DDX60: variants seen among roughly 807,000 people sequenced by gnomAD.
DDX60 encodes probable ATP-dependent RNA helicase DDX60.
In DDX60, 165 loss-of-function variants were observed where a neutral mutation model predicts 212.8. The ratio of observed to expected loss-of-function variants is 0.78; its 90% CI spans 0.68 to 0.88. The LOEUF (loss-of-function observed/expected upper bound fraction) is 0.88, where lower values mean the gene tolerates loss of function less well. Ranked by LOEUF, DDX60 falls within the 40% of genes least tolerant of loss-of-function variation. DDX60 has a pLI of 0.00. For synonymous variants in DDX60, 703 were observed against 685.3 expected (o/e 1.03, Z -0.40); for missense variants, 1,905 against 2,003.9 (o/e 0.95, Z 0.94).
chr4:168,220,628 A>G, intron 37 of DDX60, 27 bp downstream of exon 37: 1 of 1,215,726 alleles, frequency 8.2e-7, no homozygotes, highest in Non-Finnish European at 1.1e-6. Flanking sequence ...AAAAAATCTA[A>G]AATCAATATT....
chr4:168,250,179 T>C (rs955798371), intron 28 of DDX60, among the ~76,000 whole-genome samples: 3 of 152,182 alleles, frequency 2.0e-5, no homozygotes, highest in Non-Finnish European at 4.4e-5. Flanking sequence ...AGAGAGAACA[T>C]AGATATATTT....
At chr4:168,265,874 AGGGAAG>A (rs1734826248) in intron 22 of DDX60, among the ~76,000 whole-genome samples, 1 of 146,542 alleles carries the variant, frequency 6.8e-6, no homozygotes, top group East Asian at 2.1e-4. Context: ...AGGGAAGGGA[AGGGAAG>A]GGAAGGGAAG....
At chr4:168,276,471 A>T (rs1424308345) in intron 14 of DDX60, among the ~76,000 whole-genome samples, 6 of 152,214 alleles carry the variant, frequency 3.9e-5, no homozygotes, top group Admixed American at 3.9e-4. Flanking sequence ...AATAACAAAT[A>T]TTTTCTCCAT....
At position 168,237,683 on chromosome 4, in the gene DDX60, A is replaced by G. The variant is rs756253380; in HGVS notation, c.4269+8T>C. ...TATTTCCCAAAACAAAAGTGCAGTAATGCATACCTCTTTCACCAGGAACTG... is the reference window on the plus strand; with the variant it reads ...TATTTCCCAAAACAAAAGTGCAGTAGTGCATACCTCTTTCACCAGGAACTG... On this transcript the variant is annotated splice_region_variant and intron_variant, in intron 31 of 37. Coordinates refer to ENST00000393743, the MANE Select transcript of DDX60 (RefSeq NM_017631.6). The G allele has an allele frequency of 3.7e-6, 6 of 1,605,966 alleles. No individual in the cohort carries two copies. Among genetic ancestry groups the G allele is most frequent in the Non-Finnish European group, 4.3e-6 (5 of 1,174,610 alleles).
intron 4 of DDX60, among the ~76,000 whole-genome samples, 185 bp downstream of exon 4, chr4:168,307,819 CAT>C (rs1400901829): frequency 6.6e-6 from 1 of 152,160 alleles, no homozygotes; most frequent in Non-Finnish European, 1.5e-5. Context: ...TCAAATAAAA[CAT>C]AATCTCAAGT....
At chr4:168,218,948 T>C (rs778672010) in intron 37 of DDX60, among the ~76,000 whole-genome samples, 8 of 152,156 alleles carry the variant, frequency 5.3e-5, no homozygotes, top group African/African-American at 9.6e-5. Context: ...CTTCTTTCAC[T>C]ACACATGTAA....
At chr4:168,284,957 A>G (rs1460721502) in intron 11 of DDX60, 22 bp from the exon 12 acceptor site, 2 of 1,236,002 alleles carry the variant, frequency 1.6e-6, no homozygotes, top group South Asian at 2.8e-5. Flanking sequence ...AAAAAGGCAT[A>G]TTTTAAATTG....
At chr4:168,246,354 G>A in intron 30 of DDX60, 64 bp downstream of exon 30, 1 of 1,590,990 alleles carries the variant, frequency 6.3e-7, no homozygotes. Context: ...TAAAAGAACA[G>A]CAGACCTGAC....
At chr4:168,256,589 T>A (rs1734421913) in intron 25 of DDX60, among the ~76,000 whole-genome samples, 1 of 152,172 alleles carries the variant, frequency 6.6e-6, no homozygotes, top group Non-Finnish European at 1.5e-5. Flanking sequence ...TCCTGATACA[T>A]GAAAAGTAAA....
chr4:168,303,983 A>C (rs887891089), intron 5 of DDX60, among the ~76,000 whole-genome samples: 2 of 152,142 alleles, frequency 1.3e-5, no homozygotes, highest in African/African-American at 4.8e-5. Context: ...CTCTGTCTCC[A>C]AAAAAACAAC....
intron 22 of DDX60, among the ~76,000 whole-genome samples, chr4:168,266,334 G>A (rs1265465842): frequency 6.6e-6 from 1 of 152,126 alleles, no homozygotes; most frequent in East Asian, 1.9e-4. Context: ...CATACACTTA[G>A]TACCTTTTAT....
In DDX60 at chr4:168,236,363, A is replaced by G. The variant is rs754671041; in HGVS notation, c.4422T>C (p.His1474=). 7.5e-6 allele frequency: 12 copies of G among 1,604,676 alleles called. 1 individual carries two copies. In the South Asian group the frequency reaches 1.2e-4, roughly 16 times the overall value. ...GCTTTTCCATAACGTCTTGAGAAAA[A>G]TGTTTTGAGCCTATATAAAACAAAG... The part of the protein sequence containing the change: ...LCQPTRKGSK[H]FSQDVMEKLV... Residue 1474 remains histidine, a synonymous_variant, in exon 33 of 38, where the codon CAT becomes CAC. Coordinates refer to ENST00000393743, the MANE Select transcript of DDX60 (RefSeq NM_017631.6).
intron 1 of DDX60, among the ~76,000 whole-genome samples, chr4:168,316,935 G>A (rs937790284): frequency 1.8e-4 from 28 of 151,720 alleles, no homozygotes; most frequent in African/African-American, 6.5e-4. Context: ...ACAGTCACCT[G>A]TAATCCCAGC....
chr4:168,314,185 C>A (rs1444442211), intron 1 of DDX60, among the ~76,000 whole-genome samples: 1 of 151,972 alleles, frequency 6.6e-6, no homozygotes, highest in African/African-American at 2.4e-5. Flanking sequence ...CTAGAGCTAC[C>A]CTATTAACCT....
chr4:168,310,997 C>T lies in DDX60; in HGVS notation c.74+1G>A, dbSNP rs941213616. 30 of 1,538,370 alleles carry T rather than the reference C, an allele frequency of 2.0e-5. No individual in the cohort carries two copies. The highest frequency in any genetic ancestry group is 2.7e-5 in the African/African-American group (2 of 73,218). On this transcript the variant is annotated splice_donor_variant, in intron 3 of 37. Transcript: ENST00000393743. LOFTEE classifies it high-confidence loss of function. ...GTCTTTATTACTATAATAATACTCA[C>T]TCAGCTTTTGGCATTTCATTCAAAA...
At chr4:168,273,602 A>G (rs1166424049) in intron 17 of DDX60, among the ~76,000 whole-genome samples, 1 of 152,206 alleles carries the variant, frequency 6.6e-6, no homozygotes, top group African/African-American at 2.4e-5. Context: ...ATAAACCTCA[A>G]CCTAAAGTAA....
chr4:168,249,994 G>C (rs1042419919), intron 28 of DDX60, among the ~76,000 whole-genome samples: 5 of 152,034 alleles, frequency 3.3e-5, no homozygotes, highest in African/African-American at 1.2e-4. Context: ...TTAAAAGTCA[G>C]TCTATTTTTG....
rs753009943 is a variant in DDX60 at position 168,311,056 on chromosome 4, G to C, written c.16C>G (p.Leu6Val). MERNV[L>V]TTFSQEMSQL... is the part of the protein sequence containing the mutation. ...GACATTTCCTGTGAAAATGTTGTAA[G>C]AACATTTCTTTCTAAATTTAAAAAA... is the stretch of plus-strand genomic sequence containing the variant. Residue 6 changes from leucine (L) to valine (V), a missense_variant, in exon 3 of 38, where the codon CTT becomes GTT. Leu to Val is a conservative substitution (Grantham distance 32). Coordinates refer to ENST00000393743, the MANE Select transcript of DDX60 (RefSeq NM_017631.6). The C allele has an allele frequency of 6.4e-6, 10 of 1,570,212 alleles. No homozygotes were observed. The South Asian group carries it at 8.0e-5, about 13-fold the overall frequency.
intron 4 of DDX60, among the ~76,000 whole-genome samples, chr4:168,307,271 G>A (rs1736925822): frequency 3.3e-5 from 5 of 152,146 alleles, no homozygotes; most frequent in Admixed American, 3.3e-4. Context: ...CAAAATGACT[G>A]AAAAGACTCA....
Sources: gnomAD v4.1 joint callset for allele counts (sites outside exome capture counted in the v4.1 genomes callset) on GRCh38, gnomAD v4.1.1 for gene constraint, MANE v1.5 for transcripts, NCBI Gene and HGNC (gene_info 2026-07-23, HGNC 2026-07-21) for gene names.